BPTF: variants seen among roughly 807,000 people sequenced by gnomAD.
BPTF encodes the protein bromodomain PHD finger transcription factor.
BPTF carries 18 observed loss-of-function variants against 292.5 expected under a neutral mutation model. That is an observed-to-expected ratio of 0.06 (90% CI 0.04 to 0.09). The LOEUF is 0.09. Ranked by LOEUF, BPTF falls within the 10% of genes least tolerant of loss-of-function variation. The pLI is 1.00. For missense variants in BPTF, 2,726 were observed against 3,498.7 expected, an observed-to-expected ratio of 0.78 and a Z score of 5.57; for synonymous variants, 1,225 against 1,251.9, an observed-to-expected ratio of 0.98 and a Z score of 0.45.
chr17:67,842,953 A>G (rs750018730), intron 1 of BPTF, among the ~76,000 whole-genome samples: 1 of 151,778 alleles, frequency 6.6e-6, no homozygotes, highest in Non-Finnish European at 1.5e-5. Context: ...AGAGATAAAG[A>G]GCAACAGAAA....
chr17:67,842,002 C>T (rs1299229023), intron 1 of BPTF, among the ~76,000 whole-genome samples: 1 of 152,024 alleles, frequency 6.6e-6, no homozygotes, highest in Non-Finnish European at 1.5e-5. Flanking sequence ...CCTAAACTAT[C>T]TACTTAGAGT....
rs58991615 is a variant in BPTF at position 67,898,921 on chromosome 17, C to CAA, written c.2543+4776_2543+4777dup. ...TGGGCAACAGAGTGATACCCTGTCT[C>CAA]AAAAAAAAAAAAAAAAAAAAATTTC... On this transcript the variant is annotated intron_variant, in intron 7 of 27. Coordinates refer to ENST00000306378, the MANE Select transcript of BPTF (RefSeq NM_182641.4). Among the ~76,000 whole-genome samples the CAA allele has an allele frequency of 1.5e-3, 117 of 79,802 alleles. 2 individuals are homozygous for CAA. Among genetic ancestry groups the CAA allele is most frequent in the Middle Eastern group, 6.8e-3 (1 of 146 alleles). 52.4% of individuals were successfully genotyped at this position (79,802 alleles called of 152,430 possible).
rs533448907 is a variant in BPTF at position 67,868,059 on chromosome 17, A to G, written c.1660+1372A>G. Among the ~76,000 whole-genome samples, 4 of 152,294 alleles carry G rather than the reference A, an allele frequency of 2.6e-5. No homozygotes were observed. The South Asian group carries it at 6.2e-4, about 24-fold the overall frequency. On this transcript the variant is annotated intron_variant, in intron 3 of 27. Transcript: ENST00000306378. Reference sequence around the variant, plus strand: ...CAGGCATTTATTTCTATGAGTATACATTCATGGATATTTTATACTTACTGG... The same window carrying G: ...CAGGCATTTATTTCTATGAGTATACGTTCATGGATATTTTATACTTACTGG...
rs11870050 is a variant in BPTF at position 67,948,338 on chromosome 17, A to G, written c.7926+32A>G. On this transcript the variant is annotated intron_variant, in intron 23 of 27. Transcript: ENST00000306378. ...GGGCACATCCTTTTCTTCTGTGTCC[A>G]GTGTTTAACATCTGAGGTTCTGCTT... 17,455 of 1,553,436 alleles carry G rather than the reference A, an allele frequency of 0.011. 134 individuals carry two copies. The highest frequency in any genetic ancestry group is 0.017 in the Middle Eastern group (102 of 5,896).
At chr17:67,909,024 C>T (rs1275285578) in intron 9 of BPTF, among the ~76,000 whole-genome samples, 4 of 150,362 alleles carry the variant, frequency 2.7e-5, no homozygotes, top group African/African-American at 4.9e-5. Context: ...TAGTAGAGAT[C>T]GGGTTTCACC....
intron 2 of BPTF, among the ~76,000 whole-genome samples, chr17:67,864,500 C>T (rs909322377): frequency 2.8e-5 from 4 of 143,060 alleles, no homozygotes; most frequent in African/African-American, 8.0e-5. Context: ...TGCACTCCAG[C>T]CTGGGCAACA....
intron 18 of BPTF, 114 bp from the exon 19 acceptor site, chr17:67,940,325 C>T: frequency 3.1e-6 from 3 of 957,956 alleles, no homozygotes; most frequent in South Asian, 1.6e-5. Flanking sequence ...TCTGAATATC[C>T]CAGTGTTTTT....
At chr17:67,966,317 A>G (rs2068093872) in intron 25 of BPTF, 1 of 381,384 alleles carries the variant, frequency 2.6e-6, no homozygotes, top group Non-Finnish European at 4.8e-6. Context: ...TAGGGCCCAG[A>G]ATACTGATTT....
intron 9 of BPTF, among the ~76,000 whole-genome samples, chr17:67,908,020 T>C (rs1472921802): frequency 6.6e-6 from 1 of 152,220 alleles, no homozygotes. Flanking sequence ...TACATACTTT[T>C]TTCCTTGGTA....
At chr17:67,843,184 CTACA>C (rs1366627780) in intron 1 of BPTF, among the ~76,000 whole-genome samples, 2 of 128,566 alleles carry the variant, frequency 1.6e-5, no homozygotes, top group Non-Finnish European at 3.7e-5. Flanking sequence ...ATATAGATAT[CTACA>C]TACATCTACA....
At chr17:67,964,825 C>T (rs1355006906) in intron 25 of BPTF, among the ~76,000 whole-genome samples, 1 of 151,202 alleles carries the variant, frequency 6.6e-6, no homozygotes, top group South Asian at 2.1e-4. Flanking sequence ...CGGTGAAACC[C>T]CGTCTCTACT....
At chr17:67,953,100 T>C (rs1247211560) in intron 23 of BPTF, among the ~76,000 whole-genome samples, 1 of 151,890 alleles carries the variant, frequency 6.6e-6, no homozygotes, top group Non-Finnish European at 1.5e-5. Context: ...TAGCTGGGAC[T>C]ACAGGCGCAG....
intron 1 of BPTF, among the ~76,000 whole-genome samples, chr17:67,838,714 A>G (rs916811730): frequency 1.2e-4 from 19 of 152,314 alleles, no homozygotes; most frequent in South Asian, 4.1e-4. Flanking sequence ...GAGCTCAGTC[A>G]GTCCTTCCTC....
intron 2 of BPTF, among the ~76,000 whole-genome samples, chr17:67,861,313 C>G (rs550813021): frequency 3.5e-4 from 53 of 152,020 alleles, no homozygotes; most frequent in African/African-American, 1.3e-3. Context: ...TAGTGTAACC[C>G]CCTACCCCAA....
intron 19 of BPTF, among the ~76,000 whole-genome samples, chr17:67,942,874 CAT>C (rs1464070244): frequency 1.3e-5 from 2 of 152,082 alleles, no homozygotes; most frequent in Admixed American, 1.3e-4. Context: ...AAAAAAAATA[CAT>C]GTTATAATTT....
chr17:67,894,576 C>T (rs2061326449), intron 7 of BPTF, among the ~76,000 whole-genome samples: 1 of 152,166 alleles, frequency 6.6e-6, no homozygotes, highest in Non-Finnish European at 1.5e-5. Flanking sequence ...GATCTGCCCT[C>T]CTCGGCCTCC....
intron 1 of BPTF, among the ~76,000 whole-genome samples, chr17:67,835,053 G>T (rs972718186): frequency 2.0e-5 from 3 of 151,946 alleles, no homozygotes; most frequent in African/African-American, 4.8e-5. Context: ...CTTTACAAAA[G>T]AATTAAAATA....
rs1276438193 is a variant in BPTF at position 67,854,801 on chromosome 17, A to C, written c.1436+39A>C. On this transcript the variant is annotated intron_variant, in intron 2 of 27. Coordinates refer to ENST00000306378, the MANE Select transcript of BPTF (RefSeq NM_182641.4). This position sits in a 1 kb window ranked among gnomAD's most constrained non-coding sequence, Gnocchi z 5.6. ...GTCTTAATTTTTTGTATGCATTTAA[A>C]ATTAGACTAGTTTCCTTCGTGATTG... is the stretch of plus-strand genomic sequence containing the variant. 1 of 1,458,524 alleles carries C rather than the reference A, an allele frequency of 6.9e-7. No individual in the cohort carries two copies. The highest frequency in any genetic ancestry group is 2.3e-5 in the East Asian group (1 of 43,626). 90.3% of individuals were successfully genotyped at this position (1,458,524 alleles called of 1,614,324 possible).
rs758128646 is a variant in BPTF, at chr17:67,893,437, G to A, written c.2123G>A (p.Gly708Glu). Reference sequence around the variant, plus strand: ...ACCAAAAAGGAAGTGATCATGAAAGGAAATATCAACAATTATTTTAAATTG... The same window carrying A: ...ACCAAAAAGGAAGTGATCATGAAAGAAAATATCAACAATTATTTTAAATTG... ...LSTKKEVIMK[G>E]NINNYFKLGQ... is the part of the protein sequence containing the mutation. The change falls in exon 6 of 28, where the codon GGA (glycine) becomes GAA (glutamate). Residue 708 changes from glycine to glutamate, a missense_variant. This residue lies in a region of BPTF where 63 missense variants were observed against 84.1 expected (regional missense o/e 0.75). Coordinates refer to ENST00000306378, the MANE Select transcript of BPTF (RefSeq NM_182641.4). 2 of 1,614,134 alleles carry A rather than the reference G, an allele frequency of 1.2e-6. No individual in the cohort carries two copies. The highest frequency in any genetic ancestry group is 8.5e-7 in the Non-Finnish European group (1 of 1,180,016).
Sources: gnomAD v4.1 joint callset for allele counts (sites outside exome capture counted in the v4.1 genomes callset) on GRCh38, gnomAD v4.1.1 for gene constraint, gnomAD v4.1.1 regional missense constraint, Gnocchi (gnomAD v3.1) non-coding constraint, MANE v1.5 for transcripts, NCBI Gene and HGNC (gene_info 2026-07-23, HGNC 2026-07-21) for gene names.